The following EIF3L variants were observed in gnomAD, a reference collection of about 807,000 sequenced individuals.
The protein encoded by EIF3L is eukaryotic translation initiation factor 3 subunit L, also known as eIEF associated protein HSPC021.
A neutral mutation model predicts 74.6 loss-of-function variants in EIF3L; 32 were observed. That is an observed-to-expected ratio of 0.43 (90% CI 0.32 to 0.58). The LOEUF (loss-of-function observed/expected upper bound fraction) is 0.58, where lower values mean the gene tolerates loss of function less well. Among genes scored for constraint, EIF3L ranks in the 20% least tolerant of loss-of-function variants. The probability of loss-of-function intolerance (pLI) is 0.06; values close to 1 mark genes in which losing one functional copy is unlikely to be tolerated. For synonymous variants in EIF3L, 256 were observed against 254.4 expected (o/e 1.01, Z -0.06); for missense variants, 474 against 707.8 (o/e 0.67, Z 3.75).
intron 7 of EIF3L, among the ~76,000 whole-genome samples, chr22:37,865,725 G>A (rs1420554552): frequency 6.6e-6 from 1 of 152,198 alleles, no homozygotes; most frequent in Non-Finnish European, 1.5e-5. Context: ...CATAGCAAAG[G>A]CCACAAACCG....
intron 7 of EIF3L, among the ~76,000 whole-genome samples, chr22:37,867,790 T>C (rs1329946495): frequency 6.6e-6 from 1 of 151,246 alleles, no homozygotes; most frequent in Non-Finnish European, 1.5e-5. Context: ...CCGTCTCTAC[T>C]AAAAATACAA....
intron 7 of EIF3L, among the ~76,000 whole-genome samples, chr22:37,868,632 T>G: frequency 9.6e-6 from 1 of 104,182 alleles, no homozygotes; most frequent in Non-Finnish European, 1.8e-5. Context: ...TTTGTTTTGG[T>G]GCTTTTTTTT....
At chr22:37,860,423 C>T (rs1384160408) in intron 5 of EIF3L, among the ~76,000 whole-genome samples, 4 of 152,214 alleles carry the variant, frequency 2.6e-5, no homozygotes, top group Admixed American at 2.0e-4. Flanking sequence ...GGCGCCGTCT[C>T]GGCTCACTCC....
chr22:37,855,429 G>A (rs2145799980), intron 3 of EIF3L, 136 bp from the exon 4 acceptor site: 2 of 677,758 alleles, frequency 3.0e-6, no homozygotes, highest in Non-Finnish European at 5.1e-6. Flanking sequence ...ACAGTTGTGG[G>A]CTTGAAGGGC....
intron 9 of EIF3L, 129 bp downstream of exon 9, chr22:37,874,653 A>C: frequency 8.8e-7 from 1 of 1,140,532 alleles, no homozygotes; most frequent in Non-Finnish European, 1.2e-6. Context: ...TTGAAAGTTG[A>C]GACTAAAACT....
intron 2 of EIF3L, among the ~76,000 whole-genome samples, chr22:37,850,806 T>TA (rs1925163398): frequency 6.6e-6 from 1 of 152,256 alleles, no homozygotes; most frequent in Non-Finnish European, 1.5e-5. Flanking sequence ...GTTTAATCCT[T>TA]ACAGCAGTTC....
intron 11 of EIF3L, chr22:37,878,374 G>T: frequency 7.4e-6 from 3 of 404,548 alleles, no homozygotes; most frequent in Non-Finnish European, 1.3e-5. Context: ...TAGCCCAGGA[G>T]TTCAAGACCA....
Position 37,876,161 on chromosome 22 carries a change from T to G in EIF3L, c.1077+150T>G, listed in dbSNP as rs1218790706. 3.9e-6 allele frequency: 3 copies of G among 774,846 alleles called. No homozygotes were observed. In the Admixed American group the frequency reaches 9.1e-5, roughly 24 times the overall value. The allele number at this position is 774,846 out of a possible 1,614,324, so 48.0% of individuals were successfully genotyped here. ...TAGAGCGCTCTGTGATTGTGCCTAC[T>G]AATAGATCACCCAGCTGGAGTGCAG... is the stretch of plus-strand genomic sequence containing the variant. On this transcript the variant is annotated intron_variant, in intron 10 of 12. Transcript: ENST00000652021.
chr22:37,879,610 G>C (rs1384077701), intron 11 of EIF3L: 1 of 152,338 alleles, frequency 6.6e-6, no homozygotes, highest in South Asian at 2.1e-4. Flanking sequence ...GACAGTTGTA[G>C]TATGCCCGAG....
chr22:37,849,437 A>C lies in EIF3L; in HGVS notation c.-13A>C. 2 of 1,613,892 alleles carry C rather than the reference A, an allele frequency of 1.2e-6. No homozygotes were observed. Among genetic ancestry groups the C allele is most frequent in the Non-Finnish European group, 1.7e-6 (2 of 1,179,918 alleles). On this transcript the variant is annotated 5_prime_UTR_variant, in exon 1 of 13. Coordinates refer to ENST00000652021, the MANE Select transcript of EIF3L (RefSeq NM_016091.4). ...TTTCGCTCTTTCCGGCGGTGCTCGC[A>C]AGCGAGGCAGCCATGTCTTATCCCG...
rs1006217347 is a variant in EIF3L at position 37,861,503 on chromosome 22, G to C, written c.436-1466G>C. Among the ~76,000 whole-genome samples, 3 of 152,052 alleles carry C rather than the reference G, an allele frequency of 2.0e-5. No homozygotes were observed. In the East Asian group the frequency reaches 5.8e-4, roughly 29 times the overall value. ...GTTCGAGACCAGCCTGACCAATATGGTGAAACCCCGTCTCTACTAAAAATA... is the reference window on the plus strand; with the variant it reads ...GTTCGAGACCAGCCTGACCAATATGCTGAAACCCCGTCTCTACTAAAAATA... On this transcript the variant is annotated intron_variant, in intron 5 of 12. Transcript: ENST00000652021.
Position 37,855,100 on chromosome 22 carries a change from A to G in EIF3L, c.294-465A>G, listed in dbSNP as rs369185607. Among the ~76,000 whole-genome samples, 4 of 152,202 alleles carry G rather than the reference A, an allele frequency of 2.6e-5. No individual in the cohort carries two copies. The South Asian group carries it at 6.2e-4, about 24-fold the overall frequency. On this transcript the variant is annotated intron_variant, in intron 3 of 12. Coordinates refer to ENST00000652021, the MANE Select transcript of EIF3L (RefSeq NM_016091.4). ...TAAACAACCTGTTGCAGGTTTGTCA[A>G]GTAGCAGTGTTTGGATTGGATAGGC...
intron 11 of EIF3L, chr22:37,879,900 T>C (rs1241076296): frequency 6.7e-5 from 10 of 148,886 alleles, no homozygotes; most frequent in Admixed American, 6.7e-4. Context: ...CCCGGGTTCA[T>C]GCGATTCTCT....
intron 1 of EIF3L, 161 bp from the exon 2 acceptor site, chr22:37,849,854 T>C: frequency 2.7e-6 from 2 of 738,452 alleles, no homozygotes; most frequent in Non-Finnish European, 2.4e-6. Flanking sequence ...ATTGTCTGTT[T>C]ACTGTCCCTT....
At chr22:37,864,985 A>C (rs772577678) in intron 7 of EIF3L, among the ~76,000 whole-genome samples, 4 of 152,246 alleles carry the variant, frequency 2.6e-5, no homozygotes, top group Non-Finnish European at 4.4e-5. Context: ...TGCCTGTCAC[A>C]GAATAATTAA....
At chr22:37,872,373 C>T (rs982126659) in intron 8 of EIF3L, among the ~76,000 whole-genome samples, 1 of 152,134 alleles carries the variant, frequency 6.6e-6, no homozygotes, top group East Asian at 1.9e-4. Flanking sequence ...ATCTGCCTGC[C>T]TCGGCCTCCC....
intron 7 of EIF3L, among the ~76,000 whole-genome samples, chr22:37,864,046 A>C (rs1184531351): frequency 6.6e-6 from 1 of 151,774 alleles, no homozygotes; most frequent in Non-Finnish European, 1.5e-5. Flanking sequence ...GCCTGGTAAC[A>C]GTGCAAGACT....
intron 5 of EIF3L, among the ~76,000 whole-genome samples, chr22:37,859,547 A>G (rs187815840): frequency 6.6e-6 from 1 of 150,994 alleles, no homozygotes; most frequent in East Asian, 2.0e-4. Flanking sequence ...ACACCTGGCT[A>G]ATTTTTTTGT....
chr22:37,857,989 G>A lies in EIF3L; in HGVS notation c.374-690G>A, dbSNP rs144471865. Among the ~76,000 whole-genome samples, 616 of 151,980 alleles carry A rather than the reference G, an allele frequency of 4.1e-3. 3 individuals are homozygous for A. Among genetic ancestry groups the A allele is most frequent in the African/African-American group, 0.014 (587 of 41,474 alleles). ...GATTTAGACTAGCCTGAGCAACATAGGGAGACCCCCTTCTCTACAAAAAAT... is the reference window on the plus strand; with the variant it reads ...GATTTAGACTAGCCTGAGCAACATAAGGAGACCCCCTTCTCTACAAAAAAT... On this transcript the variant is annotated intron_variant, in intron 4 of 12. Transcript: ENST00000652021.
Sources: allele counts gnomAD v4.1 joint callset (sites outside exome capture counted in the v4.1 genomes callset), GRCh38; gene constraint gnomAD v4.1.1; transcripts MANE v1.5; gene names NCBI Gene and HGNC (gene_info 2026-07-23, HGNC 2026-07-21).